The following ZC3H13 variants were observed in gnomAD, a reference collection of about 807,000 sequenced individuals.
The protein encoded by ZC3H13 is zinc finger CCCH-type containing 13.
Under a neutral mutation model 204.1 loss-of-function variants are expected in ZC3H13, and 64 were observed. That is an observed-to-expected ratio of 0.31 (90% confidence interval 0.26 to 0.39). ZC3H13 has a LOEUF of 0.39. Ranked by LOEUF, ZC3H13 falls within the 10% of genes least tolerant of loss-of-function variation. The probability of loss-of-function intolerance (pLI) is 1.00; values close to 1 mark genes in which losing one functional copy is unlikely to be tolerated. For synonymous variants in ZC3H13, 667 were observed against 693.7 expected (o/e 0.96, Z 0.60); for missense variants, 1,833 against 2,082.7 (o/e 0.88, Z 2.33).
At chr13:45,961,664 A>G (rs1315816847) in intron 17 of ZC3H13, among the ~76,000 whole-genome samples, 1 of 151,974 alleles carries the variant, frequency 6.6e-6, no homozygotes, top group Non-Finnish European at 1.5e-5. Flanking sequence ...CAGGGTGACT[A>G]TAACACCCTG....
chr13:46,005,801 A>ATTG (rs1294882273), intron 7 of ZC3H13, among the ~76,000 whole-genome samples: 1 of 152,056 alleles, frequency 6.6e-6, no homozygotes, highest in Non-Finnish European at 1.5e-5. Flanking sequence ...CTTTTAAAAT[A>ATTG]TTGTTGTTCA....
At chr13:45,994,167 T>C (rs984588358) in intron 8 of ZC3H13, among the ~76,000 whole-genome samples, 3 of 152,266 alleles carry the variant, frequency 2.0e-5, no homozygotes, top group Non-Finnish European at 4.4e-5. Flanking sequence ...TCCTTATGAT[T>C]TTCTTAACAT....
intron 8 of ZC3H13, among the ~76,000 whole-genome samples, chr13:45,992,420 T>C (rs2040029194): frequency 6.6e-6 from 1 of 152,220 alleles, no homozygotes; most frequent in African/African-American, 2.4e-5. Context: ...TAAGTGCTTG[T>C]CATATATTAA....
At chr13:45,986,635 T>C (rs1593546827) in intron 9 of ZC3H13, among the ~76,000 whole-genome samples, 1 of 152,144 alleles carries the variant, frequency 6.6e-6, no homozygotes, top group African/African-American at 2.4e-5. Flanking sequence ...AGGGCACAAA[T>C]TGATTATAAC....
chr13:45,997,622 C>T (rs1010419717), intron 8 of ZC3H13, among the ~76,000 whole-genome samples: 1 of 152,054 alleles, frequency 6.6e-6, no homozygotes, highest in Non-Finnish European at 1.5e-5. Context: ...TTAACTGTTA[C>T]AATTTATTTT....
In ZC3H13 at chr13:45,956,973, G is replaced by A; in HGVS notation, c.*154C>T. 1 of 630,182 alleles carries A rather than the reference G, an allele frequency of 1.6e-6. No individual in the cohort carries two copies. Among genetic ancestry groups the A allele is most frequent in the Non-Finnish European group, 2.3e-6 (1 of 434,192 alleles). 39.0% of individuals were successfully genotyped at this position (630,182 alleles called of 1,614,324 possible). On this transcript the variant is annotated 3_prime_UTR_variant, in exon 19 of 19. Transcript: ENST00000679008. ...TAAAATCTTAAGTTGGCCAAAACTA[G>A]TGTCTCTAAAGATCAAAATTCTTCA...
chr13:46,041,822 A>G (rs1379996874), intron 4 of ZC3H13, among the ~76,000 whole-genome samples: 2 of 152,078 alleles, frequency 1.3e-5, no homozygotes, highest in East Asian at 1.9e-4. Context: ...AGCCACTTCA[A>G]TCTTTCTTGG....
At chr13:45,973,489 T>C (rs1375633739) in intron 12 of ZC3H13, among the ~76,000 whole-genome samples, 2 of 152,164 alleles carry the variant, frequency 1.3e-5, no homozygotes, top group Non-Finnish European at 2.9e-5. Flanking sequence ...ATGAAAAAAA[T>C]ACAGGTTGCG....
intron 11 of ZC3H13, chr13:45,976,227 G>A (rs913356916): frequency 5.1e-6 from 5 of 985,190 alleles, no homozygotes; most frequent in Non-Finnish European, 6.0e-6. Context: ...AACACTGGTG[G>A]CAAAGGATAG....
At chr13:46,010,558 C>G (rs145001270) in intron 6 of ZC3H13, 53 bp from the exon 7 acceptor site, 7 of 1,548,772 alleles carry the variant, frequency 4.5e-6, no homozygotes, top group Admixed American at 1.8e-5. Context: ...TATGGTACAA[C>G]AAGACTTACA....
In ZC3H13 at chr13:45,969,242, A is replaced by G. The variant is rs202059041; in HGVS notation, c.3302T>C (p.Leu1101Pro). The G allele has an allele frequency of 1.2e-6, 2 of 1,614,092 alleles. No homozygotes were observed. The highest frequency in any genetic ancestry group is 2.2e-5 in the East Asian group (1 of 44,888). The change falls in exon 14 of 19, where the codon CTT (leucine) becomes CCT (proline). Residue 1101 changes from leucine to proline, a missense_variant. Leu to Pro is a moderately conservative substitution (Grantham distance 98). This residue lies in a region of ZC3H13 where 1,574 missense variants were observed against 1,757.2 expected (regional missense o/e 0.90). Coordinates refer to ENST00000679008, the MANE Select transcript of ZC3H13 (RefSeq NM_001330564.2). ...GSTPSPLSSL[L>P]PPPPPVATAT... ...AGTAGCCACAGGCGGTGGAGGAGGA[A>G]GAAGAGAAGATAGAGGAGAAGGGGT...
intron 9 of ZC3H13, 108 bp downstream of exon 9, chr13:45,988,679 G>A (rs1031976590): frequency 8.0e-7 from 1 of 1,245,126 alleles, no homozygotes. Flanking sequence ...ATTCTAGTCT[G>A]TGTGTTACAG....
chr13:45,986,581 A>G (rs556538494), intron 9 of ZC3H13, among the ~76,000 whole-genome samples: 1 of 152,376 alleles, frequency 6.6e-6, no homozygotes, highest in African/African-American at 2.4e-5. Context: ...AGTCAACCCC[A>G]TAATTTGCAA....
At chr13:45,994,100 G>T (rs187885625) in intron 8 of ZC3H13, among the ~76,000 whole-genome samples, 3 of 152,180 alleles carry the variant, frequency 2.0e-5, no homozygotes, top group Non-Finnish European at 4.4e-5. Context: ...CCTCCTCAAA[G>T]GGACAACCTT....
rs372184399 is a variant in ZC3H13 at position 45,974,723 on chromosome 13, A to G, written c.2468+560T>C. Among the ~76,000 whole-genome samples, 500 of 152,310 alleles carry G rather than the reference A, an allele frequency of 3.3e-3. 1 individual carries two copies. Among genetic ancestry groups the G allele is most frequent in the Middle Eastern group, 6.8e-3 (2 of 294 alleles). On this transcript the variant is annotated intron_variant, in intron 12 of 18. Transcript: ENST00000679008. ...AGTGACTCCATAATTACAAGCACAT[A>G]AAAGTCATGAAGGATCATCAGAATG... is the stretch of plus-strand genomic sequence containing the variant.
At position 45,975,726 on chromosome 13, in the gene ZC3H13, C is replaced by T; in HGVS notation, c.2025G>A (p.Arg675=). 1.2e-6 allele frequency: 2 copies of T among 1,613,806 alleles called. No homozygotes were observed. Among genetic ancestry groups the T allele is most frequent in the Non-Finnish European group, 1.7e-6 (2 of 1,179,862 alleles). The change falls in exon 12 of 19, where the codon AGG becomes AGA. Residue 675 remains arginine, a synonymous_variant. Transcript: ENST00000679008. ...CTCGTTCCCGATCTCTCTCTCTAGCCCTTTCATCTCTCCTATCATCCACTC... is the reference window on the plus strand; with the variant it reads ...CTCGTTCCCGATCTCTCTCTCTAGCTCTTTCATCTCTCCTATCATCCACTC... ...VDRVDDRRDE[R]ARERDRERER...
In ZC3H13 at chr13:45,975,698, G is replaced by A. The variant is rs1952981380; in HGVS notation, c.2053C>T (p.Arg685Ter). The A allele has an allele frequency of 6.2e-7, 1 of 1,610,810 alleles. No homozygotes were observed. Among genetic ancestry groups the A allele is most frequent in the Non-Finnish European group, 8.5e-7 (1 of 1,179,090 alleles). The change falls in exon 12 of 19, where the codon CGA (arginine) becomes TGA (stop). Residue 685 changes from arginine (R) to a stop codon, truncating the protein, a stop_gained. Coordinates refer to ENST00000679008, the MANE Select transcript of ZC3H13 (RefSeq NM_001330564.2). LOFTEE classifies it high-confidence loss of function. ...RARERDRERE[R>*]DRERERERER... ...CTCTCTCTCTCCCGCTCCCTGTCTC[G>A]TTCTCGTTCCCGATCTCTCTCTCTA...
intron 11 of ZC3H13, among the ~76,000 whole-genome samples, chr13:45,976,602 T>C (rs1240323444): frequency 6.6e-6 from 1 of 152,194 alleles, no homozygotes; most frequent in South Asian, 2.1e-4. Flanking sequence ...ATATAAATTT[T>C]TTCCATGTAC....
intron 5 of ZC3H13, among the ~76,000 whole-genome samples, chr13:46,019,666 T>A (rs1405893737): frequency 6.6e-6 from 1 of 152,132 alleles, no homozygotes; most frequent in Non-Finnish European, 1.5e-5. Context: ...AATAAATGCT[T>A]ATTGATGACT....
Sources: gnomAD v4.1 joint callset for allele counts (sites outside exome capture counted in the v4.1 genomes callset) on GRCh38, gnomAD v4.1.1 for gene constraint, gnomAD v4.1.1 regional missense constraint, MANE v1.5 for transcripts, NCBI Gene and HGNC (gene_info 2026-07-23, HGNC 2026-07-21) for gene names.